Variants in INPP5A observed in about 807,000 individuals in gnomAD.
INPP5A encodes 43 kDa inositol polyphosphate 5-phophatase.
Under a neutral mutation model 65.2 loss-of-function variants are expected in INPP5A, and 14 were observed. The observed-to-expected ratio is 0.21, with a 90% CI of 0.14 to 0.34. The LOEUF (loss-of-function observed/expected upper bound fraction) is 0.34, where lower values mean the gene tolerates loss of function less well. INPP5A is among the 10% of genes least tolerant of loss of function. The pLI is 1.00. For synonymous variants in INPP5A, 207 were observed against 208.3 expected (o/e 0.99, Z 0.05); for missense variants, 431 against 545.6 (o/e 0.79, Z 2.09).
At chr10:132,777,618 G>T in intron 12 of INPP5A, 53 bp from the exon 13 acceptor site, 1 of 1,541,764 alleles carries the variant, frequency 6.5e-7, no homozygotes, top group Non-Finnish European at 8.9e-7. Context: ...TCCCTTTGGG[G>T]CTGAGGACGG....
intron 12 of INPP5A, among the ~76,000 whole-genome samples, chr10:132,776,433 G>A (rs1023855233): frequency 3.3e-5 from 5 of 152,238 alleles, no homozygotes; most frequent in African/African-American, 1.2e-4. Context: ...GGGCATGGGA[G>A]GGGCTGCAGA....
At chr10:132,623,349 G>A (rs1196241168) in intron 2 of INPP5A, among the ~76,000 whole-genome samples, 1 of 151,436 alleles carries the variant, frequency 6.6e-6, no homozygotes, top group Non-Finnish European at 1.5e-5. Context: ...CACACATACA[G>A]TTAGGATTGA....
At chr10:132,600,264 T>A (rs945230031) in intron 1 of INPP5A, among the ~76,000 whole-genome samples, 2 of 152,228 alleles carry the variant, frequency 1.3e-5, no homozygotes, top group African/African-American at 4.8e-5. Flanking sequence ...GTTTTGCTGT[T>A]TAGAAATTCC....
chr10:132,557,508 T>C (rs2071142507), intron 1 of INPP5A, among the ~76,000 whole-genome samples: 1 of 152,276 alleles, frequency 6.6e-6, no homozygotes, highest in South Asian at 2.1e-4. Flanking sequence ...CGCTCTCAGC[T>C]GCTGGTTCAG....
At chr10:132,671,139 C>T (rs1425430843) in intron 4 of INPP5A, among the ~76,000 whole-genome samples, 3 of 152,128 alleles carry the variant, frequency 2.0e-5, no homozygotes, top group Non-Finnish European at 4.4e-5. Context: ...GAGGCATGGG[C>T]ATGTGGGCAC....
chr10:132,543,945 C>T (rs115162167), intron 1 of INPP5A, among the ~76,000 whole-genome samples: 4 of 152,356 alleles, frequency 2.6e-5, no homozygotes, highest in African/African-American at 7.2e-5. Context: ...TCTTTGCAGG[C>T]GTCCCTAGGC....
At position 132,551,895 on chromosome 10, in the gene INPP5A, TCTGC is replaced by T. The variant is rs1257729884; in HGVS notation, c.75+13731_75+13734del. 6.6e-6 allele frequency among the ~76,000 whole-genome samples: 1 copy of T among 152,230 alleles called. No homozygotes were observed. The highest frequency in any genetic ancestry group is 1.5e-5 in the Non-Finnish European group (1 of 68,036). On this transcript the variant is annotated intron_variant, in intron 1 of 15. Coordinates refer to ENST00000368594, the MANE Select transcript of INPP5A (RefSeq NM_005539.5). The surrounding 1 kb of genome is among the most constrained non-coding windows in gnomAD (Gnocchi z 5.3). The stretch of plus-strand genomic sequence containing the variant: ...TCGGGGAGTCCCTGGGGTTTGGAGC[TCTGC>T]CTGCCTTGCGGCCCAACCTGGCAGT...
At chr10:132,737,466 T>A (rs1846198762) in intron 9 of INPP5A, among the ~76,000 whole-genome samples, 1 of 152,208 alleles carries the variant, frequency 6.6e-6, no homozygotes, top group Non-Finnish European at 1.5e-5. Context: ...CGTGGACTAA[T>A]GTTAGTCATC....
At position 132,753,610 on chromosome 10, in the gene INPP5A, GC is replaced by G. The variant is rs1242753691; in HGVS notation, c.903+3768del. Among the ~76,000 whole-genome samples, 4 of 152,186 alleles carry G rather than the reference GC, an allele frequency of 2.6e-5. No homozygotes were observed. Among genetic ancestry groups the G allele is most frequent in the Non-Finnish European group, 4.4e-5 (3 of 68,038 alleles). ...AGCTGTCAGGGCTGCAGGATGGAGT[GC>G]CCTGGTGAGGATTTGGAGAGATTAA... On this transcript the variant is annotated intron_variant, in intron 11 of 15. Coordinates refer to ENST00000368594, the MANE Select transcript of INPP5A (RefSeq NM_005539.5). This position sits in a 1 kb window ranked among gnomAD's most constrained non-coding sequence, Gnocchi z 5.3.
Position 132,606,657 on chromosome 10 carries a change from G to A in INPP5A, c.76-1258G>A, listed in dbSNP as rs560102203. 3.3e-5 allele frequency among the ~76,000 whole-genome samples: 5 copies of A among 152,352 alleles called. No individual in the cohort carries two copies. The East Asian group carries it at 9.6e-4, about 29-fold the overall frequency. Reference sequence around the variant, plus strand: ...CGTCAGCAAGTGAACGGAGGAGCGCGCCTGGTGTGTGGCCAGCCTTGCGAT... The same window carrying A: ...CGTCAGCAAGTGAACGGAGGAGCGCACCTGGTGTGTGGCCAGCCTTGCGAT... On this transcript the variant is annotated intron_variant, in intron 1 of 15. Transcript: ENST00000368594.
chr10:132,635,995 A>G (rs994631975), intron 2 of INPP5A, among the ~76,000 whole-genome samples: 1 of 151,930 alleles, frequency 6.6e-6, no homozygotes, highest in Non-Finnish European at 1.5e-5. Context: ...AAAAAAAAAA[A>G]AAAAAAGGCA....
intron 12 of INPP5A, among the ~76,000 whole-genome samples, chr10:132,777,200 G>C (rs1283081214): frequency 6.6e-6 from 1 of 152,212 alleles, no homozygotes; most frequent in Non-Finnish European, 1.5e-5. Context: ...TGCTCCCCGA[G>C]GTGGGAGCGG....
At chr10:132,691,430 G>C (rs976707944) in intron 5 of INPP5A, among the ~76,000 whole-genome samples, 4 of 152,240 alleles carry the variant, frequency 2.6e-5, no homozygotes, top group Admixed American at 6.5e-5. Context: ...GCTCAGGCAC[G>C]GAGCGGCCGG....
rs1194555454 is a variant in INPP5A, at chr10:132,603,834, C to CA, written c.76-4080dup. On this transcript the variant is annotated intron_variant, in intron 1 of 15. Transcript: ENST00000368594. The surrounding 1 kb of genome is among the most constrained non-coding windows in gnomAD (Gnocchi z 4.2). Reference sequence around the variant, plus strand: ...AGCCCTTGGTTCTGTACTGTGTGGACATGGTGTGGGTCACTGTGGTCTTTC... The same window carrying CA: ...AGCCCTTGGTTCTGTACTGTGTGGACAATGGTGTGGGTCACTGTGGTCTTTC... 6.6e-6 allele frequency among the ~76,000 whole-genome samples: 1 copy of CA among 152,138 alleles called. No homozygotes were observed. The highest frequency in any genetic ancestry group is 1.5e-5 in the Non-Finnish European group (1 of 68,010).
intron 12 of INPP5A, among the ~76,000 whole-genome samples, chr10:132,773,271 T>C (rs1846988391): frequency 6.6e-6 from 1 of 152,168 alleles, no homozygotes; most frequent in African/African-American, 2.4e-5. Flanking sequence ...GCAGGTCCAG[T>C]GGGAAAAAAT....
Position 132,704,611 on chromosome 10 carries a change from C to CCACT in INPP5A, c.475-3701_475-3698dup, listed in dbSNP as rs1333658005. On this transcript the variant is annotated intron_variant, in intron 6 of 15. Coordinates refer to ENST00000368594, the MANE Select transcript of INPP5A (RefSeq NM_005539.5). The surrounding 1 kb of genome is among the most constrained non-coding windows in gnomAD (Gnocchi z 4.5). ...TGGCAGCCTGGCAGTCCTGTCTTACCCACTGCCTTGAGGCCCTGGGTGCTG... is the reference window on the plus strand; with the variant it reads ...TGGCAGCCTGGCAGTCCTGTCTTACCCACTCACTGCCTTGAGGCCCTGGGTGCTG... 1.3e-5 allele frequency among the ~76,000 whole-genome samples: 2 copies of CCACT among 152,234 alleles called. No individual in the cohort carries two copies. Among genetic ancestry groups the CCACT allele is most frequent in the Non-Finnish European group, 2.9e-5 (2 of 68,046 alleles).
chr10:132,740,768 C>T (rs1392278372), intron 9 of INPP5A, among the ~76,000 whole-genome samples: 1 of 152,176 alleles, frequency 6.6e-6, no homozygotes, highest in Non-Finnish European at 1.5e-5. Flanking sequence ...AAGGATGGGA[C>T]TTGGCAAGTT....
chr10:132,687,724 A>G (rs975820124), intron 4 of INPP5A, among the ~76,000 whole-genome samples: 1 of 152,074 alleles, frequency 6.6e-6, no homozygotes, highest in South Asian at 2.1e-4. Flanking sequence ...GGCACTCATG[A>G]GTGTGCATGT....
At chr10:132,556,876 T>G (rs1411503625) in intron 1 of INPP5A, among the ~76,000 whole-genome samples, 3 of 152,184 alleles carry the variant, frequency 2.0e-5, no homozygotes, top group African/African-American at 7.2e-5. Context: ...AGGCAGTGAC[T>G]GTAGGGTTTG....
Sources: gnomAD v4.1 joint callset for allele counts (sites outside exome capture counted in the v4.1 genomes callset) on GRCh38, gnomAD v4.1.1 for gene constraint, Gnocchi (gnomAD v3.1) non-coding constraint, MANE v1.5 for transcripts, NCBI Gene and HGNC (gene_info 2026-07-23, HGNC 2026-07-21) for gene names.